Variants in ITGAV observed in about 807,000 individuals in gnomAD.
The protein encoded by ITGAV is integrin subunit alpha V, also known as integrin alpha-V.
Under a neutral mutation model 143.8 loss-of-function variants are expected in ITGAV, and 76 were observed. That is an observed-to-expected ratio of 0.53 (90% CI 0.44 to 0.64). The LOEUF is 0.64. ITGAV is among the 30% of genes least tolerant of loss of function. ITGAV has a pLI of 0.00. For missense variants in ITGAV, 1,193 were observed against 1,274.7 expected, an observed-to-expected ratio of 0.94 and a Z score of 0.98; for synonymous variants, 453 against 446.7, an observed-to-expected ratio of 1.01 and a Z score of -0.18.
In ITGAV at chr2:186,656,362, G is replaced by A. The variant is rs986557418; in HGVS notation, c.1680G>A (p.Gly560=). ...SHSKNMTISR[G]GLMQCEELIA... ...CCAAGAACATGACTATTTCAAGGGG[G>A]GGACTGATGCAGTGTGAGGAATTGA... Residue 560 remains glycine, a synonymous_variant, in exon 17 of 30, where the codon GGG becomes GGA. Coordinates refer to ENST00000261023, the MANE Select transcript of ITGAV (RefSeq NM_002210.5). 4 of 1,553,106 alleles carry A rather than the reference G, an allele frequency of 2.6e-6. No individual in the cohort carries two copies. Among genetic ancestry groups the A allele is most frequent in the Non-Finnish European group, 3.5e-6 (4 of 1,156,672 alleles).
At chr2:186,651,416 G>A (rs1290083853) in intron 14 of ITGAV, among the ~76,000 whole-genome samples, 2 of 152,024 alleles carry the variant, frequency 1.3e-5, no homozygotes, top group African/African-American at 2.4e-5. Context: ...TATAATGTAC[G>A]TGGTAAAAAT....
intron 1 of ITGAV, among the ~76,000 whole-genome samples, chr2:186,595,062 A>G (rs1305402087): frequency 6.6e-6 from 1 of 152,190 alleles, no homozygotes; most frequent in East Asian, 1.9e-4. Flanking sequence ...CTTTTGATTC[A>G]AAAAAGCATT....
intron 21 of ITGAV, 21 bp downstream of exon 21, chr2:186,665,239 G>T: frequency 6.8e-7 from 1 of 1,467,646 alleles, no homozygotes; most frequent in Non-Finnish European, 9.5e-7. Flanking sequence ...TTAATTAAAC[G>T]GATTTTTCTC....
intron 18 of ITGAV, among the ~76,000 whole-genome samples, chr2:186,662,994 A>G (rs554692832): frequency 6.6e-6 from 1 of 151,880 alleles, no homozygotes; most frequent in South Asian, 2.1e-4. Context: ...TTTATTTTCC[A>G]TTCTTTTCTT....
At chr2:186,643,151 T>G (rs1688155425) in intron 12 of ITGAV, among the ~76,000 whole-genome samples, 1 of 152,242 alleles carries the variant, frequency 6.6e-6, no homozygotes. Context: ...TCACCTTGTC[T>G]TGATGTTATT....
rs561377837 is a variant in ITGAV at position 186,633,298 on chromosome 2, A to G, written c.586-31A>G. The G allele has an allele frequency of 3.2e-5, 47 of 1,448,658 alleles. No individual in the cohort carries two copies. In the Middle Eastern group the frequency reaches 7.1e-4, roughly 22 times the overall value. 89.7% of individuals were successfully genotyped at this position (1,448,658 alleles called of 1,614,324 possible). On this transcript the variant is annotated intron_variant, in intron 5 of 29. Transcript: ENST00000261023. ...TTTGAGAGATATTTGTTCTTTAAATATATATCTTTTTGTTGTGTGATTTCA... is the reference window on the plus strand; with the variant it reads ...TTTGAGAGATATTTGTTCTTTAAATGTATATCTTTTTGTTGTGTGATTTCA...
At chr2:186,611,365 G>A (rs1388524808) in intron 2 of ITGAV, among the ~76,000 whole-genome samples, 3 of 152,016 alleles carry the variant, frequency 2.0e-5, no homozygotes, top group African/African-American at 7.2e-5. Flanking sequence ...GCCCTTTTAT[G>A]TATTTTCTTT....
intron 26 of ITGAV, among the ~76,000 whole-genome samples, chr2:186,673,451 A>C (rs1005372681): frequency 6.6e-6 from 1 of 152,168 alleles, no homozygotes; most frequent in Non-Finnish European, 1.5e-5. Context: ...CAGACAAGGT[A>C]GTTGGAATTT....
chr2:186,669,125 A>G (rs1049453641), intron 25 of ITGAV, among the ~76,000 whole-genome samples: 1 of 152,240 alleles, frequency 6.6e-6, no homozygotes, highest in African/African-American at 2.4e-5. Flanking sequence ...AGTGAACCAC[A>G]TCTTCATAGA....
intron 1 of ITGAV, chr2:186,600,102 G>T: frequency 2.1e-6 from 1 of 479,288 alleles, no homozygotes; most frequent in Non-Finnish European, 3.7e-6. Context: ...AAAATACAAA[G>T]TTTAACCATG....
At chr2:186,674,862 A>G (rs1373222523) in intron 26 of ITGAV, among the ~76,000 whole-genome samples, 1 of 152,200 alleles carries the variant, frequency 6.6e-6, no homozygotes, top group African/African-American at 2.4e-5. Flanking sequence ...TACAATATTG[A>G]GTAGAAATGG....
intron 1 of ITGAV, among the ~76,000 whole-genome samples, chr2:186,599,539 C>T (rs1184474118): frequency 6.6e-6 from 1 of 152,158 alleles, no homozygotes. Flanking sequence ...AGGCTGTTTG[C>T]TTACTTTGTA....
chr2:186,647,840 C>G (rs1688305011), intron 13 of ITGAV, among the ~76,000 whole-genome samples: 2 of 152,044 alleles, frequency 1.3e-5, no homozygotes, highest in South Asian at 2.1e-4. Context: ...TTAATATGAG[C>G]TCAATATACA....
At chr2:186,625,222 A>T (rs2105689643) in intron 3 of ITGAV, among the ~76,000 whole-genome samples, 1 of 152,136 alleles carries the variant, frequency 6.6e-6, no homozygotes, top group East Asian at 1.9e-4. Context: ...AAAAATTTTT[A>T]AAAATTAGCC....
At chr2:186,649,676 T>C (rs1688369558) in intron 13 of ITGAV, among the ~76,000 whole-genome samples, 164 bp from the exon 14 acceptor site, 1 of 152,212 alleles carries the variant, frequency 6.6e-6, no homozygotes, top group Non-Finnish European at 1.5e-5. Flanking sequence ...GTAGTTTGTT[T>C]ACAGTTTTCA....
intron 19 of ITGAV, among the ~76,000 whole-genome samples, chr2:186,664,160 A>G (rs1211256066): frequency 6.6e-6 from 1 of 152,242 alleles, no homozygotes. Flanking sequence ...CATATGAATT[A>G]TAAAGAATAT....
In ITGAV at chr2:186,667,729, C is replaced by A. The variant is rs201122594; in HGVS notation, c.2386C>A (p.Pro796Thr). ...PIPNWEHKEN[P>T]ETEEDVGPVV... ...TCCAAACTGGGAGCACAAGGAGAAC[C>A]CTGAGACTGAAGAAGATGTTGGGCC... Residue 796 changes from proline (P) to threonine (T), a missense_variant, in exon 24 of 30, where the codon CCT (proline) becomes ACT (threonine). Physicochemically the swap from Pro to Thr is conservative, Grantham distance 38 (BLOSUM62 -1). Coordinates refer to ENST00000261023, the MANE Select transcript of ITGAV (RefSeq NM_002210.5). The A allele has an allele frequency of 1.5e-4, 244 of 1,610,982 alleles. 1 individual carries two copies. The South Asian group carries it at 2.4e-3, about 16-fold the overall frequency.
chr2:186,599,956 G>C (rs896222723), intron 1 of ITGAV, among the ~76,000 whole-genome samples: 4 of 152,154 alleles, frequency 2.6e-5, no homozygotes, highest in African/African-American at 9.7e-5. Flanking sequence ...GCTGCGGCCA[G>C]TCCTTTGCTT....
chr2:186,640,843 T>C lies in ITGAV; in HGVS notation c.904-72T>C, dbSNP rs991621985. The C allele has an allele frequency of 1.7e-5, 20 of 1,203,430 alleles. No homozygotes were observed. In the Admixed American group the frequency reaches 4.3e-4, roughly 26 times the overall value. 74.5% of individuals were successfully genotyped at this position (1,203,430 alleles called of 1,614,324 possible). ...AAAAAAAATAACCCTATTTGGTACA[T>C]ATATTACAAATGTTAATTGTCTAAA... On this transcript the variant is annotated intron_variant, in intron 10 of 29. Transcript: ENST00000261023.
Sources: allele counts gnomAD v4.1 joint callset (sites outside exome capture counted in the v4.1 genomes callset), GRCh38; gene constraint gnomAD v4.1.1; transcripts MANE v1.5; gene names NCBI Gene and HGNC (gene_info 2026-07-23, HGNC 2026-07-21).